The following CTNNA2 variants were observed in gnomAD, a reference collection of about 807,000 sequenced individuals.
CTNNA2 encodes catenin alpha-2.
In CTNNA2, 42 loss-of-function variants were observed where a neutral mutation model predicts 101.0. The ratio of observed to expected loss-of-function variants is 0.42; its 90% confidence interval spans 0.32 to 0.54. The LOEUF (loss-of-function observed/expected upper bound fraction) is 0.54. CTNNA2 is among the 20% of genes least tolerant of loss of function. The pLI is 0.14. For missense variants in CTNNA2, 871 were observed against 1,223.1 expected (o/e 0.71, Z 4.29); for synonymous variants, 450 against 456.4 (o/e 0.99, Z 0.18).
At chr2:79,590,019 A>T (rs967358046) in intron 1 of CTNNA2, among the ~76,000 whole-genome samples, 3 of 152,206 alleles carry the variant, frequency 2.0e-5, no homozygotes, top group African/African-American at 7.2e-5. Context: ...TGTCTGAGAG[A>T]TTAACGTTTC....
chr2:79,706,160 C>A (rs1223127344), intron 2 of CTNNA2, among the ~76,000 whole-genome samples: 3 of 151,744 alleles, frequency 2.0e-5, no homozygotes, highest in Non-Finnish European at 4.4e-5. Flanking sequence ...GTCAGGAGAT[C>A]GAGACCATCC....
chr2:80,574,325 C>G lies in CTNNA2; in HGVS notation c.1893+11C>G. 1.2e-6 allele frequency: 2 copies of G among 1,601,074 alleles called. No individual in the cohort carries two copies. The highest frequency in any genetic ancestry group is 1.7e-6 in the Non-Finnish European group (2 of 1,170,660). ...GTGCTGATGATCAGGGTATGTGAGGCCTCTGTAGCTCAGAGCTGGTCAGAT... is the reference window on the plus strand; with the variant it reads ...GTGCTGATGATCAGGGTATGTGAGGGCTCTGTAGCTCAGAGCTGGTCAGAT... On this transcript the variant is annotated intron_variant, in intron 13 of 18. Coordinates refer to ENST00000402739, the MANE Select transcript of CTNNA2 (RefSeq NM_001282597.3).
chr2:80,106,029 C>G (rs573129377), intron 7 of CTNNA2, among the ~76,000 whole-genome samples: 67 of 152,316 alleles, frequency 4.4e-4, no homozygotes, highest in African/African-American at 1.6e-3. Context: ...GGTTTTATTA[C>G]TTGCCACAGG....
chr2:80,291,755 C>T (rs1403718864), intron 7 of CTNNA2, among the ~76,000 whole-genome samples: 1 of 152,196 alleles, frequency 6.6e-6, no homozygotes, highest in Non-Finnish European at 1.5e-5. Flanking sequence ...AGTTTTTCCA[C>T]ATCACCAGAA....
intron 7 of CTNNA2, among the ~76,000 whole-genome samples, chr2:80,134,913 C>T (rs1372106870): frequency 6.6e-6 from 1 of 152,170 alleles, no homozygotes. Flanking sequence ...TCTTGGTTTT[C>T]TGCATTCCGA....
intron 2 of CTNNA2, among the ~76,000 whole-genome samples, chr2:79,199,574 C>T (rs183144116): frequency 6.6e-6 from 1 of 152,196 alleles, no homozygotes; most frequent in Admixed American, 6.5e-5. Context: ...TAGAATTCAG[C>T]AGTCATTTTG....
intron 4 of CTNNA2, among the ~76,000 whole-genome samples, chr2:79,484,407 G>C (rs145988638): frequency 6.6e-6 from 1 of 151,766 alleles, no homozygotes; most frequent in African/African-American, 2.4e-5. Context: ...TGGGGTAAGT[G>C]GGTCTGACTC....
chr2:80,550,455 C>G (rs1212700164), intron 11 of CTNNA2, among the ~76,000 whole-genome samples: 1 of 152,168 alleles, frequency 6.6e-6, no homozygotes, highest in Non-Finnish European at 1.5e-5. Flanking sequence ...ACAAAAGATT[C>G]TCTGTAGCAT....
chr2:80,394,973 AT>A (rs5832453), intron 8 of CTNNA2, among the ~76,000 whole-genome samples: 41,957 of 151,360 alleles, frequency 0.28, 9,750 homozygotes, highest in African/African-American at 0.64. Flanking sequence ...TAGTGATTAC[AT>A]TTTTTTTTAC....
intron 2 of CTNNA2, among the ~76,000 whole-genome samples, chr2:79,226,708 A>G (rs545849363): frequency 1.4e-4 from 22 of 152,274 alleles, no homozygotes; most frequent in African/African-American, 5.3e-4. Context: ...ACAAATCCAA[A>G]TTGCCCTATT....
At chr2:79,699,187 T>A (rs564973848) in intron 2 of CTNNA2, among the ~76,000 whole-genome samples, 2 of 152,192 alleles carry the variant, frequency 1.3e-5, no homozygotes, top group African/African-American at 4.8e-5. Flanking sequence ...CAAATTAAAA[T>A]CATAATGAAT....
At chr2:80,628,569 A>AAAACC (rs1399208271) in intron 18 of CTNNA2, among the ~76,000 whole-genome samples, 2 of 150,668 alleles carry the variant, frequency 1.3e-5, no homozygotes, top group African/African-American at 5.0e-5. Flanking sequence ...CACCTTACAC[A>AAAACC]AAACCTATTC....
intron 8 of CTNNA2, among the ~76,000 whole-genome samples, chr2:80,416,507 A>G (rs1680061447): frequency 6.6e-6 from 1 of 152,098 alleles, no homozygotes; most frequent in Non-Finnish European, 1.5e-5. Context: ...ATGAATTAAA[A>G]TTTCATAGTT....
rs112384679 is a variant in CTNNA2, at chr2:79,635,357, G to A, written c.-5-16195G>A. ...TGAGGCAGGAGAATGGCGTGAACCC[G>A]GGAGGTGGAGCTTGCAGTGAGCCGA... On this transcript the variant is annotated intron_variant, in intron 1 of 18. Coordinates refer to ENST00000402739, the MANE Select transcript of CTNNA2 (RefSeq NM_001282597.3). Among the ~76,000 whole-genome samples the A allele has an allele frequency of 5.6e-3, 851 of 151,700 alleles. 27 individuals are homozygous for A. The South Asian group carries it at 0.068, about 12-fold the overall frequency.
chr2:80,384,345 G>A (rs774807716), intron 7 of CTNNA2, among the ~76,000 whole-genome samples: 2 of 151,554 alleles, frequency 1.3e-5, no homozygotes, highest in Non-Finnish European at 2.9e-5. Flanking sequence ...GACACAAAAT[G>A]TGTCACACAA....
At chr2:80,375,428 T>G (rs1353797542) in intron 7 of CTNNA2, among the ~76,000 whole-genome samples, 1 of 152,142 alleles carries the variant, frequency 6.6e-6, no homozygotes, top group African/African-American at 2.4e-5. Flanking sequence ...AACTTTGAGC[T>G]TGGCACCAGT....
chr2:79,808,347 A>T (rs138737210), intron 3 of CTNNA2, among the ~76,000 whole-genome samples: 24 of 152,296 alleles, frequency 1.6e-4, no homozygotes, highest in African/African-American at 5.3e-4. Context: ...GGCGAGGCCA[A>T]TGAGGAGTTC....
intron 4 of CTNNA2, among the ~76,000 whole-genome samples, chr2:79,398,968 T>C (rs1678260885): frequency 6.6e-6 from 1 of 152,104 alleles, no homozygotes; most frequent in Non-Finnish European, 1.5e-5. Context: ...ACCAACATTC[T>C]TGCAACTATG....
chr2:79,769,576 G>C (rs939030375), intron 3 of CTNNA2, among the ~76,000 whole-genome samples: 3 of 152,102 alleles, frequency 2.0e-5, no homozygotes, highest in African/African-American at 7.2e-5. Context: ...TTAATCCCTA[G>C]CTCTGTCATT....
Sources: allele counts gnomAD v4.1 joint callset (sites outside exome capture counted in the v4.1 genomes callset), GRCh38; gene constraint gnomAD v4.1.1; transcripts MANE v1.5; gene names NCBI Gene and HGNC (gene_info 2026-07-23, HGNC 2026-07-21).